Variants in GSDMB observed in about 807,000 individuals in gnomAD.
GSDMB encodes the protein gasdermin-B.
A neutral mutation model predicts 42.9 loss-of-function variants in GSDMB; 32 were observed. That is an observed-to-expected ratio of 0.75 (90% confidence interval 0.56 to 1.00). The LOEUF (loss-of-function observed/expected upper bound fraction) is 1.00, where lower values mean the gene tolerates loss of function less well. Among genes scored for constraint, GSDMB ranks in the 50% least tolerant of loss-of-function variants. The pLI is 0.00. For missense variants in GSDMB, 468 were observed against 498.5 expected, an observed-to-expected ratio of 0.94 and a Z score of 0.58; for synonymous variants, 175 against 193.7, an observed-to-expected ratio of 0.90 and a Z score of 0.80.
chr17:39,915,392 CTTT>C (rs1199032140), intron 2 of GSDMB, among the ~76,000 whole-genome samples: 1 of 152,196 alleles, frequency 6.6e-6, no homozygotes, highest in Non-Finnish European at 1.5e-5. Context: ...TAAGGATTTT[CTTT>C]TTAAGTTTGG....
chr17:39,915,653 A>C (rs2063697295), intron 2 of GSDMB, among the ~76,000 whole-genome samples: 1 of 150,116 alleles, frequency 6.7e-6, no homozygotes, highest in African/African-American at 2.5e-5. Context: ...GCTCTTAGCA[A>C]TTTACTTTTC....
At chr17:39,905,632 AC>A (rs1307157379) in intron 9 of GSDMB, 136 bp from the exon 10 acceptor site, 2 of 894,134 alleles carry the variant, frequency 2.2e-6, no homozygotes, top group African/African-American at 3.3e-5. Context: ...CTTACTCCAA[AC>A]AGGCCTCTGC....
rs773785774 is a variant in GSDMB at position 39,906,270 on chromosome 17, T to G, written c.729A>C (p.Gly243=). The change falls in exon 8 of 11, where the codon GGA becomes GGC. Residue 243 remains glycine (G), a splice_region_variant and synonymous_variant. Transcript: ENST00000418519. The part of the protein sequence containing the change: ...EEKDGASSCL[G]KSLGSEDSRN... Reference sequence around the variant, plus strand: ...TGGAATCCTCCGAACCCAAAGACTTTCCTGTAGAGGCAGCAATTGAGAACC... The same window carrying G: ...TGGAATCCTCCGAACCCAAAGACTTGCCTGTAGAGGCAGCAATTGAGAACC... 15 of 1,613,878 alleles carry G rather than the reference T, an allele frequency of 9.3e-6. No homozygotes were observed. The South Asian group carries it at 1.3e-4, about 14-fold the overall frequency.
intron 2 of GSDMB, among the ~76,000 whole-genome samples, chr17:39,914,572 G>T (rs2063672152): frequency 6.6e-6 from 1 of 151,992 alleles, no homozygotes; most frequent in African/African-American, 2.4e-5. Context: ...GACCAGCCTG[G>T]CCAACATGGT....
At chr17:39,910,616 C>G (rs2063589818) in intron 3 of GSDMB, among the ~76,000 whole-genome samples, 1 of 152,176 alleles carries the variant, frequency 6.6e-6, no homozygotes, top group African/African-American at 2.4e-5. Flanking sequence ...GCCCAAGACA[C>G]CCTCTTCTCT....
In GSDMB at chr17:39,905,922, T is replaced by C; in HGVS notation, c.952A>G (p.Ser318Gly). 6.2e-7 allele frequency: 1 copy of C among 1,614,140 alleles called. No individual in the cohort carries two copies. The highest frequency in any genetic ancestry group is 1.1e-5 in the South Asian group (1 of 91,082). Residue 318 changes from serine to glycine, a missense_variant, in exon 9 of 11, where the codon AGC (serine) becomes GGC (glycine). Transcript: ENST00000418519. ...MEDPDKPLLSSLFNAAGVLVE... is the reference protein window; with the variant it reads ...MEDPDKPLLSGLFNAAGVLVE... ...AAGACCCCAGCAGCATTAAAAAGGC[T>C]GCTTAGGAGAGGCTTGTCTGGGTCC...
At position 39,905,970 on chromosome 17, in the gene GSDMB, T is replaced by C. The variant is rs776402926; in HGVS notation, c.904A>G (p.Ile302Val). 7 of 1,613,882 alleles carry C rather than the reference T, an allele frequency of 4.3e-6. No homozygotes were observed. Among genetic ancestry groups the C allele is most frequent in the Non-Finnish European group, 5.9e-6 (7 of 1,179,900 alleles). ...DLEQRVSEVL[I>V]SGELHMEDPD... ...TCCTCCATGTGTAGCTCCCCGGAAA[T>C]CAGGACCTCAGATACCTAGGGCCAG... Residue 302 changes from isoleucine (I) to valine (V), a missense_variant, in exon 9 of 11, where the codon ATT (isoleucine) becomes GTT (valine). Transcript: ENST00000418519.
chr17:39,909,792 G>A lies in GSDMB; in HGVS notation c.540C>T (p.Ser180=), dbSNP rs755358212. ...LKSDRQYKFW[S]QISQGHLSYK... is the part of the protein sequence containing the mutation. Reference sequence around the variant, plus strand: ...AGCTGAGATGGCCCTGAGAGATCTGGCTCCAAAATTTATATTGCCGGTCGC... The same window carrying A: ...AGCTGAGATGGCCCTGAGAGATCTGACTCCAAAATTTATATTGCCGGTCGC... Residue 180 remains serine (S), a synonymous_variant, in exon 4 of 11, where the codon AGC becomes AGT. Transcript: ENST00000418519. 3.1e-6 allele frequency: 5 copies of A among 1,614,096 alleles called. No individual in the cohort carries two copies. In the East Asian group the frequency reaches 1.1e-4, roughly 36 times the overall value.
At chr17:39,913,151 G>GGAAAA (rs2063644756) in intron 2 of GSDMB, among the ~76,000 whole-genome samples, 1 of 151,786 alleles carries the variant, frequency 6.6e-6, no homozygotes, top group African/African-American at 2.4e-5. Flanking sequence ...GAAAAGGAAA[G>GGAAAA]GAAAAGAAAA....
rs1234005279 is a variant in GSDMB, at chr17:39,906,241, T to C, written c.758A>G (p.Asn253Ser). Residue 253 changes from asparagine (N) to serine (S), a missense_variant, in exon 8 of 11, where the codon AAC becomes AGC. Physicochemically the swap from Asn to Ser is conservative, Grantham distance 46 (BLOSUM62 1). Transcript: ENST00000418519. ...GKSLGSEDSR[N>S]MKEKLEDMES... ...CATGTCCTCCAACTTCTCCTTCATG[T>C]TTCTGGAATCCTCCGAACCCAAAGA... is the stretch of plus-strand genomic sequence containing the variant. The C allele has an allele frequency of 6.2e-7, 1 of 1,614,216 alleles. No individual in the cohort carries two copies. The highest frequency in any genetic ancestry group is 1.7e-5 in the Admixed American group (1 of 60,020).
chr17:39,908,895 C>CA, intron 5 of GSDMB, 63 bp downstream of exon 5: 1 of 1,049,602 alleles, frequency 9.5e-7, no homozygotes, highest in Non-Finnish European at 1.4e-6. Context: ...GGTTGAATCC[C>CA]ACCCCCCACC....
Position 39,905,830 on chromosome 17 carries a change from GC to G in GSDMB, c.1027+16del, listed in dbSNP as rs756822620. ...CACACTTCCTCCACCCCAGCCTACA[GC>G]GAGACCCTTCCTCACCTAGCAGGGC... On this transcript the variant is annotated intron_variant, in intron 9 of 10. Coordinates refer to ENST00000418519, the MANE Select transcript of GSDMB (RefSeq NM_001165958.2). The G allele has an allele frequency of 6.2e-7, 1 of 1,612,442 alleles. No homozygotes were observed. The highest frequency in any genetic ancestry group is 2.2e-5 in the East Asian group (1 of 44,872).
intron 5 of GSDMB, 94 bp from the exon 6 acceptor site, chr17:39,908,308 T>G: frequency 5.2e-6 from 2 of 384,286 alleles, no homozygotes; most frequent in Admixed American, 4.4e-5. Context: ...TCTCAATCCC[T>G]ATACCAGCCT....
intron 3 of GSDMB, 59 bp from the exon 4 acceptor site, chr17:39,909,983 T>C: frequency 7.6e-7 from 1 of 1,321,896 alleles, no homozygotes; most frequent in Non-Finnish European, 1.1e-6. Flanking sequence ...TCCCACTGAC[T>C]CTTTTCCCTC....
intron 4 of GSDMB, 175 bp downstream of exon 4, chr17:39,909,581 G>C (rs949144327): frequency 6.6e-5 from 40 of 606,736 alleles, no homozygotes; most frequent in Non-Finnish European, 9.7e-5. Context: ...CACCGCTAGA[G>C]AGTAACAAGG....
rs1220565060 is a variant in GSDMB at position 39,904,982 on chromosome 17, A to AG, written c.1099-19dup. 3 of 1,610,626 alleles carry AG rather than the reference A, an allele frequency of 1.9e-6. No homozygotes were observed. The highest frequency in any genetic ancestry group is 2.5e-6 in the Non-Finnish European group (3 of 1,177,128). ...GATTTCACCTGGAAGGAAACCCCCCAGATTGTAACAGCTAGGAACAACGAT... is the reference window on the plus strand; with the variant it reads ...GATTTCACCTGGAAGGAAACCCCCCAGGATTGTAACAGCTAGGAACAACGAT... On this transcript the variant is annotated intron_variant, in intron 10 of 10. Coordinates refer to ENST00000418519, the MANE Select transcript of GSDMB (RefSeq NM_001165958.2).
intron 7 of GSDMB, 165 bp downstream of exon 7, chr17:39,906,796 T>G: frequency 6.8e-7 from 1 of 1,469,398 alleles, no homozygotes; most frequent in Non-Finnish European, 9.0e-7. Flanking sequence ...CCACTGTGTT[T>G]AGAGGAGACA....
At chr17:39,907,696 C>T (rs2063530088) in intron 6 of GSDMB, 1 of 152,610 alleles carries the variant, frequency 6.6e-6, no homozygotes, top group African/African-American at 2.4e-5. Context: ...CCACTGCACT[C>T]CAGCCTGGGC....
intron 2 of GSDMB, 69 bp from the exon 3 acceptor site, chr17:39,912,566 C>A (rs1598278398): frequency 8.0e-7 from 1 of 1,245,380 alleles, no homozygotes; most frequent in East Asian, 2.3e-5. Flanking sequence ...AACACCCTCC[C>A]TGGGGCAGCC....
Sources: allele counts gnomAD v4.1 joint callset (sites outside exome capture counted in the v4.1 genomes callset), GRCh38; gene constraint gnomAD v4.1.1; transcripts MANE v1.5; gene names NCBI Gene and HGNC (gene_info 2026-07-23, HGNC 2026-07-21).